CADM2: variants seen among roughly 807,000 people sequenced by gnomAD.
CADM2 encodes cell adhesion molecule 2, also known as immunoglobulin superfamily member 4D.
A neutral mutation model predicts 49.8 loss-of-function variants in CADM2; 12 were observed. That is an observed-to-expected ratio of 0.24 (90% CI 0.15 to 0.39). CADM2 has a LOEUF of 0.39. CADM2 is among the 10% of genes least tolerant of loss of function. The pLI, the probability that CADM2 is intolerant of heterozygous loss-of-function variation, is 1.00. For missense variants in CADM2, 378 were observed against 492.3 expected (o/e 0.77, Z 2.20); for synonymous variants, 214 against 175.4 (o/e 1.22, Z -1.74).
At chr3:85,321,112 ATATATTTTTTTTTTTTTTTTTTTT>A (rs2044592835) in intron 1 of CADM2, among the ~76,000 whole-genome samples, 21 of 35,862 alleles carry the variant, frequency 5.9e-4, no homozygotes, top group Non-Finnish European at 1.0e-3. Flanking sequence ...ATATATATAT[ATATATTTTTTTTTTTTTTTTTTTT>A]TTTTTTTTTT....
At chr3:85,918,011 T>G (rs1718596102) in intron 6 of CADM2, among the ~76,000 whole-genome samples, 1 of 152,198 alleles carries the variant, frequency 6.6e-6, no homozygotes, top group Non-Finnish European at 1.5e-5. Context: ...TGCACATTGA[T>G]TTTGTGTCCT....
intron 1 of CADM2, among the ~76,000 whole-genome samples, chr3:85,184,158 T>C (rs182072281): frequency 6.6e-6 from 1 of 151,988 alleles, no homozygotes; most frequent in African/African-American, 2.4e-5. Context: ...AGCATGGAAG[T>C]TGACAAAGAT....
At chr3:85,124,078 C>T (rs2038950690) in intron 1 of CADM2, among the ~76,000 whole-genome samples, 1 of 152,072 alleles carries the variant, frequency 6.6e-6, no homozygotes, top group Non-Finnish European at 1.5e-5. Flanking sequence ...GTAATTAGGT[C>T]CCCTGTGTTT....
At chr3:85,018,421 A>T (rs1401005431) in intron 1 of CADM2, among the ~76,000 whole-genome samples, 1 of 152,196 alleles carries the variant, frequency 6.6e-6, no homozygotes, top group Non-Finnish European at 1.5e-5. Flanking sequence ...TCTGTTGCCC[A>T]GGCTGGAGTG....
intron 1 of CADM2, among the ~76,000 whole-genome samples, chr3:85,170,725 CA>C (rs2040602857): frequency 6.6e-6 from 1 of 152,140 alleles, no homozygotes; most frequent in Non-Finnish European, 1.5e-5. Context: ...TTATGTTGGA[CA>C]AAGCTGACCC....
intron 1 of CADM2, among the ~76,000 whole-genome samples, chr3:85,365,575 T>C (rs923311177): frequency 1.3e-5 from 2 of 152,160 alleles, no homozygotes; most frequent in Non-Finnish European, 2.9e-5. Context: ...CCACTCCTGA[T>C]TTTTTATGTA....
At chr3:85,424,541 A>G (rs920739324) in intron 1 of CADM2, among the ~76,000 whole-genome samples, 2 of 152,102 alleles carry the variant, frequency 1.3e-5, no homozygotes, top group East Asian at 1.9e-4. Flanking sequence ...CATCACCCCA[A>G]TTGATGGGCT....
At chr3:85,797,758 C>A (rs1475564198) in intron 2 of CADM2, among the ~76,000 whole-genome samples, 1 of 152,078 alleles carries the variant, frequency 6.6e-6, no homozygotes, top group East Asian at 1.9e-4. Context: ...GATTTATAAT[C>A]CTTTGGGTAT....
intron 1 of CADM2, among the ~76,000 whole-genome samples, chr3:85,408,066 A>G (rs1000426599): frequency 6.6e-6 from 1 of 151,698 alleles, no homozygotes; most frequent in African/African-American, 2.4e-5. Context: ...ATCAGCAATA[A>G]TTTTATTTAA....
chr3:85,887,785 G>A (rs1042940278), intron 5 of CADM2, among the ~76,000 whole-genome samples: 1 of 152,250 alleles, frequency 6.6e-6, no homozygotes, highest in Admixed American at 6.5e-5. Context: ...GGATATGTTA[G>A]TCTAGGCATT....
intron 1 of CADM2, among the ~76,000 whole-genome samples, chr3:85,153,282 G>C (rs1411303520): frequency 6.6e-6 from 1 of 152,208 alleles, no homozygotes; most frequent in Non-Finnish European, 1.5e-5. Flanking sequence ...GGAAGTGCAA[G>C]GGGTCAGGGA....
intron 6 of CADM2, among the ~76,000 whole-genome samples, chr3:85,929,297 T>G (rs2108522790): frequency 6.6e-6 from 1 of 152,150 alleles, no homozygotes; most frequent in East Asian, 1.9e-4. Context: ...TAAGTAAAAT[T>G]TGGTTTAGAA....
intron 1 of CADM2, among the ~76,000 whole-genome samples, chr3:85,213,783 C>A (rs1478918765): frequency 6.6e-6 from 1 of 151,956 alleles, no homozygotes; most frequent in African/African-American, 2.4e-5. Flanking sequence ...TTTGTCTCCT[C>A]TGTGTATTTT....
chr3:85,401,600 T>A (rs2035113553), intron 1 of CADM2, among the ~76,000 whole-genome samples: 1 of 152,018 alleles, frequency 6.6e-6, no homozygotes, highest in African/African-American at 2.4e-5. Flanking sequence ...GCCCAGAAAA[T>A]CCATGCCATT....
intron 2 of CADM2, among the ~76,000 whole-genome samples, chr3:85,752,334 C>T (rs2068895403): frequency 6.6e-6 from 1 of 152,100 alleles, no homozygotes; most frequent in Non-Finnish European, 1.5e-5. Flanking sequence ...AGGGCAGAAA[C>T]AGGTAGAGAA....
chr3:85,953,315 T>C (rs1723669660), intron 7 of CADM2, among the ~76,000 whole-genome samples: 1 of 151,042 alleles, frequency 6.6e-6, no homozygotes, highest in Non-Finnish European at 1.5e-5. Flanking sequence ...TAAGTGCTTT[T>C]AACCTTATCT....
chr3:86,010,093 G>A lies in CADM2; in HGVS notation c.970+48446G>A, dbSNP rs148774891. The stretch of plus-strand genomic sequence containing the variant: ...TTAATTTAAAGTAAATAGCAATGAC[G>A]AAATAATATTTCATATTGATGACAG... On this transcript the variant is annotated intron_variant, in intron 8 of 9. Coordinates refer to ENST00000383699, the MANE Select transcript of CADM2 (RefSeq NM_001167675.2). Among the ~76,000 whole-genome samples, 1,277 of 151,744 alleles carry A rather than the reference G, an allele frequency of 8.4e-3. 5 individuals are homozygous for A. The highest frequency in any genetic ancestry group is 0.013 in the Non-Finnish European group (902 of 67,776).
intron 8 of CADM2, chr3:86,013,991 T>G (rs1175656798): frequency 3.4e-6 from 5 of 1,453,592 alleles, no homozygotes; most frequent in Admixed American, 4.3e-5. Context: ...TAGGAACAAT[T>G]GAAGAAGTTT....
chr3:85,633,780 G>T (rs2064380261), intron 1 of CADM2, among the ~76,000 whole-genome samples: 1 of 151,924 alleles, frequency 6.6e-6, no homozygotes, highest in Admixed American at 6.6e-5. Context: ...TTCAAAGAAA[G>T]ATTTTTAAAA....
Sources: allele counts gnomAD v4.1 joint callset (sites outside exome capture counted in the v4.1 genomes callset), GRCh38; gene constraint gnomAD v4.1.1; transcripts MANE v1.5; gene names NCBI Gene and HGNC (gene_info 2026-07-23, HGNC 2026-07-21).